Variants in CARS2 observed in about 807,000 individuals in gnomAD.
CARS2 encodes cysteinyl-tRNA synthetase 2, mitochondrial.
A neutral mutation model predicts 68.8 loss-of-function variants in CARS2; 52 were observed. The ratio of observed to expected loss-of-function variants is 0.76; its 90% CI spans 0.61 to 0.95. The LOEUF is 0.95. Among genes scored for constraint, CARS2 ranks in the 40% least tolerant of loss-of-function variants. CARS2 has a pLI of 0.00. For missense variants in CARS2, 780 were observed against 754.2 expected (o/e 1.03, Z -0.40); for synonymous variants, 314 against 303.6 (o/e 1.03, Z -0.36).
At chr13:110,642,561 T>A (rs1347969564) in intron 13 of CARS2, 40 bp from the exon 14 acceptor site, 1 of 1,515,274 alleles carries the variant, frequency 6.6e-7, no homozygotes, top group Non-Finnish European at 8.9e-7. Context: ...CCGGAGACTG[T>A]GGATTGTGGA....
At chr13:110,646,939 C>T (rs1888210358) in intron 11 of CARS2, 162 bp downstream of exon 11, 1 of 828,742 alleles carries the variant, frequency 1.2e-6, no homozygotes, top group Admixed American at 3.0e-5. Flanking sequence ...ACCTCCTGCC[C>T]AGCACCCTGT....
intron 9 of CARS2, among the ~76,000 whole-genome samples, chr13:110,652,306 C>G (rs1422257675): frequency 6.6e-6 from 1 of 152,268 alleles, no homozygotes; most frequent in African/African-American, 2.4e-5. Context: ...GAGCACAGAG[C>G]TGCCAGGGAG....
At chr13:110,711,156 C>G (rs1207108222), upstream of CARS2, among the ~76,000 whole-genome samples, 1 of 152,146 alleles carries the variant, frequency 6.6e-6, no homozygotes, top group Non-Finnish European at 1.5e-5. Flanking sequence ...ACTTTGTACT[C>G]CCTCTATACT....
At chr13:110,696,605 T>C (rs2063631295) in intron 3 of CARS2, among the ~76,000 whole-genome samples, 1 of 152,208 alleles carries the variant, frequency 6.6e-6, no homozygotes, top group South Asian at 2.1e-4. Flanking sequence ...TCAGACATTA[T>C]TTTGAGGAAA....
chr13:110,705,626 C>G lies in CARS2; in HGVS notation c.225-55G>C. 2 of 1,537,232 alleles carry G rather than the reference C, an allele frequency of 1.3e-6. No homozygotes were observed. Among genetic ancestry groups the G allele is most frequent in the Non-Finnish European group, 1.8e-6 (2 of 1,110,592 alleles). On this transcript the variant is annotated intron_variant, in intron 1 of 14. Coordinates refer to ENST00000257347, the MANE Select transcript of CARS2 (RefSeq NM_024537.4). The surrounding 1 kb of genome is among the most constrained non-coding windows in gnomAD (Gnocchi z 4.0). ...GAACATATTTGCAAGAAAGGACATTCGATTCTGAGTTATAATGATCATATA... is the reference window on the plus strand; with the variant it reads ...GAACATATTTGCAAGAAAGGACATTGGATTCTGAGTTATAATGATCATATA...
intron 7 of CARS2, among the ~76,000 whole-genome samples, chr13:110,674,718 T>A (rs1385147131): frequency 6.6e-6 from 1 of 152,136 alleles, no homozygotes; most frequent in African/African-American, 2.4e-5. Flanking sequence ...GGGATCTAAT[T>A]AAACTAAAGA....
At chr13:110,659,121 T>C (rs745518969) in intron 9 of CARS2, among the ~76,000 whole-genome samples, 1 of 152,130 alleles carries the variant, frequency 6.6e-6, no homozygotes, top group East Asian at 1.9e-4. Context: ...CAGGTGTCCA[T>C]GTGCATACAT....
At chr13:110,702,827 T>C (rs1477317945) in intron 2 of CARS2, among the ~76,000 whole-genome samples, 1 of 152,160 alleles carries the variant, frequency 6.6e-6, no homozygotes, top group Non-Finnish European at 1.5e-5. Context: ...TCAGGAGACC[T>C]CAGCTTGCTT....
At chr13:110,667,029 T>C (rs2062666424) in intron 8 of CARS2, 1 of 838,450 alleles carries the variant, frequency 1.2e-6, no homozygotes, top group African/African-American at 1.8e-5. Flanking sequence ...TCAGAAAGGA[T>C]GTTCATAATT....
chr13:110,655,892 A>G (rs768341818), intron 9 of CARS2, among the ~76,000 whole-genome samples: 2 of 152,264 alleles, frequency 1.3e-5, no homozygotes, highest in African/African-American at 2.4e-5. Context: ...TCCAAAACAG[A>G]GAACACAACT....
In CARS2 at chr13:110,667,259, T is replaced by C. The variant is rs2062674318; in HGVS notation, c.919+81A>G. 2.3e-6 allele frequency: 3 copies of C among 1,297,426 alleles called. No homozygotes were observed. In the East Asian group the frequency reaches 7.2e-5, roughly 31 times the overall value. The allele number at this position is 1,297,426 out of a possible 1,614,324, so 80.4% of individuals were successfully genotyped here. ...ACCTATTAGCTGATCTACTATGTAT[T>C]TCCAAATGTAGCTGTTCCGCCGACA... On this transcript the variant is annotated intron_variant, in intron 8 of 14. Transcript: ENST00000257347.
chr13:110,697,243 G>C (rs6492299), intron 3 of CARS2, among the ~76,000 whole-genome samples: 1 of 152,324 alleles, frequency 6.6e-6, no homozygotes, highest in East Asian at 1.9e-4. Flanking sequence ...CTGGTGACTA[G>C]ACATTCACGC....
At chr13:110,677,856 C>T (rs113928177) in intron 6 of CARS2, 5,588 of 152,994 alleles carry the variant, frequency 0.037, 171 homozygotes, top group African/African-American at 0.07. Context: ...GTCACCACCA[C>T]CTCACCCCCA....
chr13:110,676,228 G>A lies in CARS2; in HGVS notation c.785+746C>T, dbSNP rs1411009298. Among the ~76,000 whole-genome samples, 2 of 152,214 alleles carry A rather than the reference G, an allele frequency of 1.3e-5. No individual in the cohort carries two copies. The highest frequency in any genetic ancestry group is 4.8e-5 in the African/African-American group (2 of 41,464). ...CAGCTGTGCAGCACGGGGCACGGGC[G>A]GTATGCTGTCTTTCACACACCCCAC... is the stretch of plus-strand genomic sequence containing the variant. On this transcript the variant is annotated intron_variant, in intron 7 of 14. Transcript: ENST00000257347. This position sits in a 1 kb window ranked among gnomAD's most constrained non-coding sequence, Gnocchi z 4.0.
In CARS2 at chr13:110,676,330, C is replaced by T. The variant is rs1219919678; in HGVS notation, c.785+644G>A. Reference sequence around the variant, plus strand: ...GCGTCCAAGGGGACCAGGGAGAAGGCGGAGAAAGCTCTACTGAGAGGCAGA... The same window carrying T: ...GCGTCCAAGGGGACCAGGGAGAAGGTGGAGAAAGCTCTACTGAGAGGCAGA... On this transcript the variant is annotated intron_variant, in intron 7 of 14. Coordinates refer to ENST00000257347, the MANE Select transcript of CARS2 (RefSeq NM_024537.4). The surrounding 1 kb of genome is among the most constrained non-coding windows in gnomAD (Gnocchi z 4.0). Among the ~76,000 whole-genome samples, 1 of 152,206 alleles carries T rather than the reference C, an allele frequency of 6.6e-6. No individual in the cohort carries two copies. Among genetic ancestry groups the T allele is most frequent in the African/African-American group, 2.4e-5 (1 of 41,452 alleles).
chr13:110,647,117 C>A lies in CARS2; in HGVS notation c.1177G>T (p.Ala393Ser), dbSNP rs868498923. Residue 393 changes from alanine to serine, a missense_variant, in exon 11 of 15, where the codon GCG becomes TCG. Coordinates refer to ENST00000257347, the MANE Select transcript of CARS2 (RefSeq NM_024537.4). ...GCCTCTTACCTCTCCCACAGCATCG[C>A]TTCCCTGACGGAGCCGCAGGCCAGC... is the stretch of plus-strand genomic sequence containing the variant. ...GQLACGSVRE[A>S]MLWERLSSTK... The A allele has an allele frequency of 1.9e-6, 3 of 1,595,866 alleles. No individual in the cohort carries two copies. The highest frequency in any genetic ancestry group is 2.7e-5 in the African/African-American group (2 of 74,692).
Position 110,653,295 on chromosome 13 carries a change from G to A in CARS2, c.988-2195C>T, listed in dbSNP as rs1025634486. 5.3e-5 allele frequency among the ~76,000 whole-genome samples: 8 copies of A among 152,014 alleles called. No homozygotes were observed. The highest frequency in any genetic ancestry group is 8.8e-5 in the Non-Finnish European group (6 of 68,004). On this transcript the variant is annotated intron_variant, in intron 9 of 14. Coordinates refer to ENST00000257347, the MANE Select transcript of CARS2 (RefSeq NM_024537.4). The surrounding 1 kb of genome is among the most constrained non-coding windows in gnomAD (Gnocchi z 5.6). ...TCACACTGGAATTCCATTTCCGTCT[G>A]TCCATCTCCCGGGTGCTCCTTCCCA...
intron 9 of CARS2, among the ~76,000 whole-genome samples, chr13:110,652,955 G>A (rs2062259100): frequency 6.6e-6 from 1 of 152,184 alleles, no homozygotes; most frequent in Non-Finnish European, 1.5e-5. Context: ...AGCTGCCACA[G>A]GTGACCCCAC....
At chr13:110,644,210 A>G in intron 13 of CARS2, 175 bp downstream of exon 13, 1 of 1,444,112 alleles carries the variant, frequency 6.9e-7, no homozygotes, top group Non-Finnish European at 9.3e-7. Context: ...TGCAATTCCA[A>G]TTAATAAGTA....
Sources: gnomAD v4.1 joint callset for allele counts (sites outside exome capture counted in the v4.1 genomes callset) on GRCh38, gnomAD v4.1.1 for gene constraint, Gnocchi (gnomAD v3.1) non-coding constraint, MANE v1.5 for transcripts, NCBI Gene and HGNC (gene_info 2026-07-23, HGNC 2026-07-21) for gene names.